NEURL1: variants seen among roughly 807,000 people sequenced by gnomAD.
The protein encoded by NEURL1 is E3 ubiquitin-protein ligase NEURL1.
A neutral mutation model predicts 41.2 loss-of-function variants in NEURL1; 26 were observed. The ratio of observed to expected loss-of-function variants is 0.63; its 90% CI spans 0.46 to 0.87. The LOEUF (loss-of-function observed/expected upper bound fraction) is 0.87, where lower values mean the gene tolerates loss of function less well. Ranked by LOEUF, NEURL1 falls within the 40% of genes least tolerant of loss-of-function variation. The pLI, the probability that NEURL1 is intolerant of heterozygous loss-of-function variation, is 0.00. For synonymous variants in NEURL1, 400 were observed against 402.3 expected (o/e 0.99, Z 0.07); for missense variants, 761 against 871.1 (o/e 0.87, Z 1.59).
intron 1 of NEURL1, among the ~76,000 whole-genome samples, chr10:103,513,044 C>T (rs1361542534): frequency 1.3e-5 from 2 of 152,086 alleles, no homozygotes; most frequent in African/African-American, 2.4e-5. Context: ...ACATAAAGGA[C>T]CCCCTGCCCC....
chr10:103,514,606 A>G (rs2034154825), intron 1 of NEURL1, among the ~76,000 whole-genome samples: 1 of 152,182 alleles, frequency 6.6e-6, no homozygotes, highest in South Asian at 2.1e-4. Context: ...CCAGCCCTGC[A>G]GAGAGGGCAG....
intron 1 of NEURL1, among the ~76,000 whole-genome samples, chr10:103,525,358 CT>C (rs554506607): frequency 0.011 from 1,543 of 136,006 alleles, 20 homozygotes; most frequent in African/African-American, 0.036. Context: ...TTTCTTTTTT[CT>C]TTTTTTTTTT....
intron 1 of NEURL1, among the ~76,000 whole-genome samples, chr10:103,516,339 G>A (rs1285078254): frequency 6.6e-6 from 1 of 151,290 alleles, no homozygotes; most frequent in Non-Finnish European, 1.5e-5. Context: ...TATTCCTGGT[G>A]CCAGGTTTTC....
At chr10:103,571,226 C>A in intron 2 of NEURL1, 113 bp downstream of exon 2, 1 of 1,092,486 alleles carries the variant, frequency 9.2e-7, no homozygotes, top group Non-Finnish European at 1.3e-6. Flanking sequence ...CCCCCAGCAC[C>A]ACACCCTGCC....
chr10:103,557,782 G>A (rs1564820935), intron 1 of NEURL1, among the ~76,000 whole-genome samples: 4 of 152,250 alleles, frequency 2.6e-5, no homozygotes, highest in South Asian at 2.1e-4. Flanking sequence ...TGGGGCCAGC[G>A]GGAGACGCAG....
At chr10:103,521,157 G>A (rs989318702) in intron 1 of NEURL1, among the ~76,000 whole-genome samples, 1 of 152,130 alleles carries the variant, frequency 6.6e-6, no homozygotes, top group Non-Finnish European at 1.5e-5. Context: ...CTTTCCTAAA[G>A]ATTGAGGACA....
chr10:103,585,155 C>T lies in NEURL1; in HGVS notation c.1269C>T (p.Cys423=), dbSNP rs1158033983. 1.3e-6 allele frequency: 2 copies of T among 1,590,378 alleles called. No individual in the cohort carries two copies. Among genetic ancestry groups the T allele is most frequent in the Non-Finnish European group, 1.7e-6 (2 of 1,174,416 alleles). The change falls in exon 4 of 6, where the codon TGC becomes TGT. Residue 423 remains cysteine (C), a synonymous_variant. Transcript: ENST00000369780. ...HNGAAAGMQL[C]VDASQPLWML... is the part of the protein sequence containing the mutation. ...GCGCGGCCGCCGGCATGCAGCTGTG[C>T]GTGGACGCCTCGCAGCCGCTTTGGA...
Position 103,508,252 on chromosome 10 carries a change from ACAG to A in NEURL1, c.85+13783_85+13785del, listed in dbSNP as rs1461878919. 2.0e-5 allele frequency among the ~76,000 whole-genome samples: 3 copies of A among 152,200 alleles called. No homozygotes were observed. The highest frequency in any genetic ancestry group is 2.9e-5 in the Non-Finnish European group (2 of 68,032). ...CCTCTCCCCTCCCATGACAGAATTC[ACAG>A]CACACTTTACAGAGGAGACACTGAG... On this transcript the variant is annotated intron_variant, in intron 1 of 5. Coordinates refer to ENST00000369780, the MANE Select transcript of NEURL1 (RefSeq NM_004210.5). The surrounding 1 kb of genome is among the most constrained non-coding windows in gnomAD (Gnocchi z 4.3).
At chr10:103,547,073 A>T (rs1053561957) in intron 1 of NEURL1, among the ~76,000 whole-genome samples, 60 of 152,354 alleles carry the variant, frequency 3.9e-4, no homozygotes, top group Middle Eastern at 3.4e-3. Context: ...AGCACACGAC[A>T]TGCATGAGCT....
At chr10:103,567,685 C>T (rs2035455034) in intron 1 of NEURL1, among the ~76,000 whole-genome samples, 1 of 152,228 alleles carries the variant, frequency 6.6e-6, no homozygotes, top group Admixed American at 6.5e-5. Context: ...AGGTGTGAGC[C>T]ACTGCACCTG....
At chr10:103,526,838 G>A (rs2034469036) in intron 1 of NEURL1, among the ~76,000 whole-genome samples, 1 of 151,968 alleles carries the variant, frequency 6.6e-6, no homozygotes, top group Non-Finnish European at 1.5e-5. Flanking sequence ...GCATATGAAT[G>A]CCAGGTTATA....
chr10:103,560,193 G>A (rs1441499360), intron 1 of NEURL1, among the ~76,000 whole-genome samples: 1 of 140,726 alleles, frequency 7.1e-6, no homozygotes, highest in Non-Finnish European at 1.5e-5. Context: ...CTGTGGATTT[G>A]ATATGGGGAG....
rs181933807 is a variant in NEURL1 at position 103,508,226 on chromosome 10, C to G, written c.85+13754C>G. ...CGAATTTGAAAAGCATGTAACCAAC[C>G]CCTCTCCCCTCCCATGACAGAATTC... On this transcript the variant is annotated intron_variant, in intron 1 of 5. Coordinates refer to ENST00000369780, the MANE Select transcript of NEURL1 (RefSeq NM_004210.5). The surrounding 1 kb of genome is among the most constrained non-coding windows in gnomAD (Gnocchi z 4.3). 1.3e-5 allele frequency among the ~76,000 whole-genome samples: 2 copies of G among 152,250 alleles called. No homozygotes were observed. The highest frequency in any genetic ancestry group is 2.1e-4 in the South Asian group (1 of 4,812).
In NEURL1 at chr10:103,584,750, G is replaced by T; in HGVS notation, c.864G>T (p.Ala288=). 1 of 1,460,054 alleles carries T rather than the reference G, an allele frequency of 6.8e-7. No homozygotes were observed. The highest frequency in any genetic ancestry group is 9.0e-7 in the Non-Finnish European group (1 of 1,110,918). The allele number at this position is 1,460,054 out of a possible 1,614,324, so 90.4% of individuals were successfully genotyped here. A position where few individuals can be genotyped will look rare whatever the true frequency, so the allele number is the denominator to read the frequency against. ...CGCAGCACAGCCGCGCGCTGCCGGCGCAGCTCGACGGCGACCTGCGTTTCC... is the reference window on the plus strand; with the variant it reads ...CGCAGCACAGCCGCGCGCTGCCGGCTCAGCTCGACGGCGACCTGCGTTTCC... ...LNSQHSRALP[A]QLDGDLRFHA... is the part of the protein sequence containing the mutation. Residue 288 remains alanine, a synonymous_variant, in exon 4 of 6, where the codon GCG becomes GCT. Transcript: ENST00000369780.
intron 1 of NEURL1, among the ~76,000 whole-genome samples, chr10:103,560,259 G>T (rs974887962): frequency 6.6e-6 from 1 of 152,186 alleles, no homozygotes; most frequent in African/African-American, 2.4e-5. Context: ...GGCCTGGCCT[G>T]GGGGGCTGGA....
At chr10:103,555,285 G>T in intron 1 of NEURL1, 1 of 1,173,150 alleles carries the variant, frequency 8.5e-7, no homozygotes, top group Non-Finnish European at 1.1e-6. Context: ...CCGCGGGGGA[G>T]GAGACGGGGG....
At chr10:103,516,101 G>A (rs778496255) in intron 1 of NEURL1, among the ~76,000 whole-genome samples, 2 of 151,294 alleles carry the variant, frequency 1.3e-5, no homozygotes, top group African/African-American at 4.9e-5. Context: ...GGTGGTGTGC[G>A]CCTGTAGTCC....
intron 1 of NEURL1, among the ~76,000 whole-genome samples, chr10:103,559,691 T>C (rs531944226): frequency 1.3e-5 from 2 of 152,166 alleles, no homozygotes; most frequent in South Asian, 2.1e-4. Context: ...TTTTACCTTA[T>C]AGAGTTGTAG....
At chr10:103,581,986 A>G (rs2035791874) in intron 3 of NEURL1, among the ~76,000 whole-genome samples, 1 of 152,168 alleles carries the variant, frequency 6.6e-6, no homozygotes, top group African/African-American at 2.4e-5. Context: ...TTTAAGTAGA[A>G]GGGGACTCCT....
Sources: gnomAD v4.1 joint callset for allele counts (sites outside exome capture counted in the v4.1 genomes callset) on GRCh38, gnomAD v4.1.1 for gene constraint, Gnocchi (gnomAD v3.1) non-coding constraint, MANE v1.5 for transcripts, NCBI Gene and HGNC (gene_info 2026-07-23, HGNC 2026-07-21) for gene names.